The following MTAP variants were observed in gnomAD, a reference collection of about 807,000 sequenced individuals.
The protein encoded by MTAP is S-methyl-5'-thioadenosine phosphorylase.
MTAP carries 33 observed loss-of-function variants against 33.6 expected under a neutral mutation model. The observed-to-expected ratio is 0.98, with a 90% CI of 0.74 to 1.31. The LOEUF (loss-of-function observed/expected upper bound fraction) is 1.31. Among genes scored for constraint, MTAP ranks in the 40% most tolerant of loss-of-function variants. MTAP has a pLI of 0.00. For synonymous variants in MTAP, 148 were observed against 125.7 expected, an observed-to-expected ratio of 1.18 and a Z score of -1.19; for missense variants, 367 against 360.0, an observed-to-expected ratio of 1.02 and a Z score of -0.16.
At chr9:21,808,596 A>C (rs1428704173) in intron 1 of MTAP, among the ~76,000 whole-genome samples, 2 of 102,208 alleles carry the variant, frequency 2.0e-5, no homozygotes, top group Non-Finnish European at 3.8e-5. Flanking sequence ...TGTTTCCAAA[A>C]AAAAAAAAAA....
intron 1 of MTAP, among the ~76,000 whole-genome samples, chr9:21,884,151 G>T (rs940461693): frequency 2.0e-5 from 3 of 152,150 alleles, no homozygotes; most frequent in African/African-American, 7.2e-5. Flanking sequence ...TCTATTATTA[G>T]TTGTAGACCA....
At chr9:21,806,600 T>C (rs917118999) in intron 1 of MTAP, among the ~76,000 whole-genome samples, 1 of 151,616 alleles carries the variant, frequency 6.6e-6, no homozygotes, top group Non-Finnish European at 1.5e-5. Context: ...TTCACTGCAG[T>C]GAGAGATGGT....
At chr9:21,804,814 A>G (rs1159697710) in intron 1 of MTAP, among the ~76,000 whole-genome samples, 3 of 152,262 alleles carry the variant, frequency 2.0e-5, no homozygotes, top group Non-Finnish European at 4.4e-5. Flanking sequence ...CTAAGTATCC[A>G]GAATTACACA....
At chr9:21,859,214 C>A in intron 6 of MTAP, 89 bp from the exon 7 acceptor site, 1 of 1,509,968 alleles carries the variant, frequency 6.6e-7, no homozygotes, top group Non-Finnish European at 8.9e-7. Context: ...AACATTTAGG[C>A]TGTAGCAAGG....
At chr9:21,811,972 T>C in intron 1 of MTAP, 1 of 322,434 alleles carries the variant, frequency 3.1e-6, no homozygotes, top group Non-Finnish European at 6.1e-6. Flanking sequence ...AGCATGTGCA[T>C]GTCCACCTCC....
chr9:21,897,992 C>A (rs908328111), intron 1 of MTAP, among the ~76,000 whole-genome samples: 10 of 152,258 alleles, frequency 6.6e-5, no homozygotes, highest in African/African-American at 2.2e-4. Context: ...TACTACAAGG[C>A]TACAGTAACC....
In MTAP at chr9:21,862,908, A is replaced by AC. The variant is rs1825782915; in HGVS notation, c.*894_*895insC. The AC allele has an allele frequency of 2.1e-6, 2 of 959,568 alleles. No individual in the cohort carries two copies. The highest frequency in any genetic ancestry group is 2.5e-6 in the Non-Finnish European group (2 of 806,832). 59.4% of individuals were successfully genotyped at this position (959,568 alleles called of 1,614,324 possible). On this transcript the variant is annotated 3_prime_UTR_variant, in exon 8 of 8. Transcript: ENST00000644715. ...TTTTCTACAGTGAATTTAATCAAAT[A>AC]GTAAAGTTGTTGTAAAAATAAAAGT...
chr9:21,921,242 C>T (rs1329672249), intron 1 of MTAP, among the ~76,000 whole-genome samples: 1 of 151,806 alleles, frequency 6.6e-6, no homozygotes, highest in East Asian at 1.9e-4. Context: ...TTTCTGTGGT[C>T]TCATTTGTTA....
chr9:21,841,619 C>G (rs1587236346), intron 5 of MTAP, among the ~76,000 whole-genome samples: 1 of 152,198 alleles, frequency 6.6e-6, no homozygotes, highest in African/African-American at 2.4e-5. Context: ...TGCAGACATC[C>G]CCCAGCAACA....
intron 1 of MTAP, among the ~76,000 whole-genome samples, chr9:21,921,616 G>T (rs1313948043): frequency 1.3e-5 from 2 of 152,188 alleles, no homozygotes; most frequent in Non-Finnish European, 2.9e-5. Flanking sequence ...ACAATGGAAT[G>T]TAGATTTTGA....
intron 4 of MTAP, 30 bp downstream of exon 4, chr9:21,818,232 A>C: frequency 1.4e-6 from 2 of 1,437,890 alleles, no homozygotes; most frequent in Non-Finnish European, 1.9e-6. Context: ...GCTTTAGGCT[A>C]TTGTAGCTGG....
intron 1 of MTAP, among the ~76,000 whole-genome samples, chr9:21,898,301 C>G (rs1052459820): frequency 2.0e-5 from 3 of 152,112 alleles, no homozygotes; most frequent in African/African-American, 7.2e-5. Flanking sequence ...CTAGGCAATA[C>G]CATTCAGGAC....
intron 1 of MTAP, among the ~76,000 whole-genome samples, chr9:21,886,840 G>A (rs999647561): frequency 6.6e-6 from 1 of 152,162 alleles, no homozygotes; most frequent in Non-Finnish European, 1.5e-5. Context: ...GGTCACCATA[G>A]CCTTATAGAA....
At chr9:21,882,072 G>A (rs1220665083) in intron 1 of MTAP, among the ~76,000 whole-genome samples, 1 of 151,692 alleles carries the variant, frequency 6.6e-6, no homozygotes, top group Non-Finnish European at 1.5e-5. Context: ...TTAGCAACAG[G>A]TATAGCATGC....
downstream of MTAP, among the ~76,000 whole-genome samples, chr9:21,867,946 T>C (rs538733754): frequency 3.4e-4 from 52 of 152,266 alleles, no homozygotes; most frequent in Middle Eastern, 3.4e-3. Context: ...TCAAAAAGAA[T>C]AGATATCTGT....
intron 1 of MTAP, among the ~76,000 whole-genome samples, chr9:21,899,131 G>GGACAGA (rs1818345867): frequency 6.7e-6 from 1 of 150,260 alleles, no homozygotes; most frequent in Admixed American, 6.7e-5. Context: ...ACTATCCCAA[G>GGACAGA]GACAGAAAAC....
intron 7 of MTAP, 68 bp from the exon 8 acceptor site, chr9:21,861,908 T>C: frequency 2.1e-6 from 2 of 949,462 alleles, no homozygotes; most frequent in South Asian, 1.4e-5. Flanking sequence ...AATCTGTTTT[T>C]TTTTTTAACA....
At chr9:21,870,185 T>C (rs1825916258), downstream of MTAP, among the ~76,000 whole-genome samples, 2 of 152,252 alleles carry the variant, frequency 1.3e-5, no homozygotes, top group Non-Finnish European at 2.9e-5. Context: ...CAGATGATAA[T>C]GCCCTTCACT....
downstream of MTAP, among the ~76,000 whole-genome samples, chr9:21,868,285 G>A (rs1158235122): frequency 6.6e-6 from 1 of 152,204 alleles, no homozygotes; most frequent in Non-Finnish European, 1.5e-5. Flanking sequence ...ATTAACTTCT[G>A]ATAGGTTGTG....
Sources: gnomAD v4.1 joint callset for allele counts (sites outside exome capture counted in the v4.1 genomes callset) on GRCh38, gnomAD v4.1.1 for gene constraint, MANE v1.5 for transcripts, NCBI Gene and HGNC (gene_info 2026-07-23, HGNC 2026-07-21) for gene names.